Variants in LUZP1 observed in about 807,000 individuals in gnomAD.
LUZP1 encodes the protein filamin mechanobinding actin cross-linking protein.
LUZP1 carries 25 observed loss-of-function variants against 71.3 expected under a neutral mutation model. The ratio of observed to expected loss-of-function variants is 0.35; its 90% CI spans 0.26 to 0.49. The LOEUF (loss-of-function observed/expected upper bound fraction) is 0.49. Ranked by LOEUF, LUZP1 falls within the 20% of genes least tolerant of loss-of-function variation. The pLI, the probability that LUZP1 is intolerant of heterozygous loss-of-function variation, is 0.99. For missense variants in LUZP1, 1,142 were observed against 1,300.8 expected (o/e 0.88, Z 1.88); for synonymous variants, 481 against 506.4 (o/e 0.95, Z 0.67).
At chr1:23,145,047 C>T (rs1256352413) in intron 2 of LUZP1, among the ~76,000 whole-genome samples, 3 of 152,088 alleles carry the variant, frequency 2.0e-5, no homozygotes, top group Non-Finnish European at 4.4e-5. Flanking sequence ...AGGCACATGT[C>T]ACCACGCCCA....
At chr1:23,085,414 G>A (rs536894053) in exon 5 of LUZP1, 132 of 152,708 alleles carry the variant, frequency 8.6e-4, no homozygotes, top group African/African-American at 2.9e-3. Context: ...CTATGGTTGT[G>A]AGGCTTTGAG....
Position 23,094,348 on chromosome 1 carries a change from A to G in LUZP1, c.-87T>C. 6.7e-7 allele frequency: 1 copy of G among 1,502,622 alleles called. No homozygotes were observed. The highest frequency in any genetic ancestry group is 8.8e-7 in the Non-Finnish European group (1 of 1,130,270). The allele number at this position is 1,502,622 out of a possible 1,614,324, so 93.1% of individuals were successfully genotyped here. On this transcript the variant is annotated 5_prime_UTR_variant, in exon 4 of 5. Coordinates refer to ENST00000302291, the Ensembl canonical transcript of LUZP1. The surrounding 1 kb of genome is among the most constrained non-coding windows in gnomAD (Gnocchi z 4.7). The stretch of plus-strand genomic sequence containing the variant: ...TGGTTACCTTTCTCTTGGCAACCAC[A>G]ATCTTCTTTGACAGCTGGAGACCAT...
At chr1:23,139,019 A>AAAAAAATATATAT (rs1317355746) in intron 2 of LUZP1, among the ~76,000 whole-genome samples, 10 of 59,950 alleles carry the variant, frequency 1.7e-4, no homozygotes, top group East Asian at 8.1e-4. Context: ...AAAAAAAAAA[A>AAAAAAATATATAT]ATATATATAT....
At chr1:23,092,235 G>A in exon 4 of LUZP1, 1 of 1,614,112 alleles carries the variant, frequency 6.2e-7, no homozygotes. Flanking sequence ...AGTGATGGTT[G>A]TATTTACCAA....
At chr1:23,132,697 A>G (rs1390660376) in intron 2 of LUZP1, among the ~76,000 whole-genome samples, 99 of 152,110 alleles carry the variant, frequency 6.5e-4, no homozygotes, top group Non-Finnish European at 4.4e-5. Context: ...ATTTGTTGTG[A>G]TATATATAGA....
At chr1:23,097,379 A>G (rs1233161213) in intron 3 of LUZP1, among the ~76,000 whole-genome samples, 1 of 152,232 alleles carries the variant, frequency 6.6e-6, no homozygotes, top group Non-Finnish European at 1.5e-5. Flanking sequence ...AAGACCAAAT[A>G]GGAGGCTATT....
At chr1:23,132,118 T>G (rs1184837033) in intron 2 of LUZP1, among the ~76,000 whole-genome samples, 3 of 152,168 alleles carry the variant, frequency 2.0e-5, no homozygotes, top group African/African-American at 7.2e-5. Flanking sequence ...AAATAACTGC[T>G]CAACAAATGA....
exon 4 of LUZP1, chr1:23,091,650 T>C: frequency 6.2e-7 from 1 of 1,614,116 alleles, no homozygotes. Flanking sequence ...GACCACTGTT[T>C]CTGGCCTGTC....
exon 4 of LUZP1, chr1:23,091,306 G>C (rs1643848833): frequency 1.2e-6 from 2 of 1,614,062 alleles, no homozygotes; most frequent in African/African-American, 2.7e-5. Context: ...GAGGGCTCAG[G>C]GGCATCCCCT....
At chr1:23,141,783 G>A (rs1173733422) in intron 2 of LUZP1, among the ~76,000 whole-genome samples, 3 of 151,902 alleles carry the variant, frequency 2.0e-5, no homozygotes, top group Admixed American at 6.6e-5. Flanking sequence ...GGGCTCAAGC[G>A]ATCCTCTCAC....
At chr1:23,162,171 A>G (rs1644472367) in intron 2 of LUZP1, among the ~76,000 whole-genome samples, 1 of 152,106 alleles carries the variant, frequency 6.6e-6, no homozygotes, top group African/African-American at 2.4e-5. Flanking sequence ...AATTTTTACA[A>G]AAGTACAAAA....
Position 23,173,695 on chromosome 1 carries a change from C to A in LUZP1, c.-485+3796G>T, listed in dbSNP as rs552905726. ...TGTGTGTGCATATAGTGAGAACTTC[C>A]AAAAAAGACTTTGCTATGGAGGGGA... On this transcript the variant is annotated intron_variant, in intron 1 of 4. Transcript: ENST00000302291. Among the ~76,000 whole-genome samples, 7 of 151,918 alleles carry A rather than the reference C, an allele frequency of 4.6e-5. No individual in the cohort carries two copies. The East Asian group carries it at 1.2e-3, about 25-fold the overall frequency.
intron 2 of LUZP1, among the ~76,000 whole-genome samples, chr1:23,139,019 A>AAAAAAAAAAAAAAT (rs1317355746): frequency 1.2e-4 from 7 of 59,954 alleles, no homozygotes; most frequent in Non-Finnish European, 1.3e-4. Context: ...AAAAAAAAAA[A>AAAAAAAAAAAAAAT]ATATATATAT....
chr1:23,133,696 G>A (rs535511224), intron 2 of LUZP1: 2 of 152,114 alleles, frequency 1.3e-5, no homozygotes, highest in South Asian at 4.1e-4. Context: ...CTAGGAGGGG[G>A]AGGCTGCAGT....
At chr1:23,101,083 T>C (rs1643928115) in intron 3 of LUZP1, among the ~76,000 whole-genome samples, 1 of 152,126 alleles carries the variant, frequency 6.6e-6, no homozygotes, top group Non-Finnish European at 1.5e-5. Context: ...CAAAAGAGTA[T>C]AAAGGAACAA....
At chr1:23,087,219 A>T (rs1439831255) in exon 5 of LUZP1, 1 of 152,206 alleles carries the variant, frequency 6.6e-6, no homozygotes, top group African/African-American at 2.4e-5. Context: ...GCAGATTGGG[A>T]AACAGGCCCA....
intron 2 of LUZP1, among the ~76,000 whole-genome samples, chr1:23,148,724 C>T (rs1410602119): frequency 6.6e-6 from 1 of 152,056 alleles, no homozygotes; most frequent in African/African-American, 2.4e-5. Context: ...TCATTTAGGA[C>T]ACTAATTGAT....
intron 3 of LUZP1, among the ~76,000 whole-genome samples, chr1:23,104,560 A>G (rs1182576183): frequency 6.6e-6 from 1 of 152,072 alleles, no homozygotes; most frequent in Non-Finnish European, 1.5e-5. Flanking sequence ...GAAATGCACC[A>G]TCCTAAATTC....
intron 2 of LUZP1, among the ~76,000 whole-genome samples, chr1:23,166,970 A>T (rs1644514812): frequency 6.6e-6 from 1 of 152,200 alleles, no homozygotes; most frequent in African/African-American, 2.4e-5. Flanking sequence ...CTATGTTTAG[A>T]AAAGTGATTT....
Sources: allele counts gnomAD v4.1 joint callset (sites outside exome capture counted in the v4.1 genomes callset), GRCh38; gene constraint gnomAD v4.1.1; non-coding constraint Gnocchi (gnomAD v3.1); transcripts MANE v1.5; gene names NCBI Gene and HGNC (gene_info 2026-07-23, HGNC 2026-07-21).